CCSER1: variants seen among roughly 807,000 people sequenced by gnomAD.
CCSER1 encodes serine-rich coiled-coil domain-containing protein 1.
CCSER1 carries 41 observed loss-of-function variants against 82.0 expected under a neutral mutation model. The ratio of observed to expected loss-of-function variants is 0.50; its 90% CI spans 0.39 to 0.65. CCSER1 has a LOEUF of 0.65. Ranked by LOEUF, CCSER1 falls within the 30% of genes least tolerant of loss-of-function variation. The pLI is 0.00. For synonymous variants in CCSER1, 414 were observed against 383.9 expected, an observed-to-expected ratio of 1.08 and a Z score of -0.92; for missense variants, 1,119 against 1,064.2, an observed-to-expected ratio of 1.05 and a Z score of -0.72.
chr4:90,983,860 A>G (rs566488748), intron 9 of CCSER1, among the ~76,000 whole-genome samples: 1 of 151,604 alleles, frequency 6.6e-6, no homozygotes, highest in Non-Finnish European at 1.5e-5. Context: ...ATTTGCCTGT[A>G]TGCCATGCAG....
chr4:91,369,259 C>G (rs780135937), intron 10 of CCSER1, among the ~76,000 whole-genome samples: 2 of 152,176 alleles, frequency 1.3e-5, no homozygotes, highest in African/African-American at 2.4e-5. Context: ...GGGGATTGCT[C>G]CTTCAGCCTC....
At chr4:90,305,552 G>A (rs1177698315) in intron 1 of CCSER1, among the ~76,000 whole-genome samples, 2 of 152,040 alleles carry the variant, frequency 1.3e-5, no homozygotes, top group Admixed American at 1.3e-4. Context: ...TAAGCTGTGA[G>A]GAAAATCACA....
chr4:90,816,243 T>G (rs1421451529), intron 8 of CCSER1, among the ~76,000 whole-genome samples: 1 of 152,190 alleles, frequency 6.6e-6, no homozygotes, highest in Admixed American at 6.5e-5. Flanking sequence ...AAACCAGATT[T>G]TACATTTTAC....
At chr4:91,355,103 C>G (rs1407987146) in intron 10 of CCSER1, among the ~76,000 whole-genome samples, 1 of 152,122 alleles carries the variant, frequency 6.6e-6, no homozygotes, top group Non-Finnish European at 1.5e-5. Context: ...CTTTGCAGAG[C>G]CAAACAAGAT....
In CCSER1 at chr4:91,118,122, G is replaced by A. The variant is rs148531100; in HGVS notation, c.2217+32128G>A. On this transcript the variant is annotated intron_variant, in intron 10 of 10. Transcript: ENST00000509176. ...CCTGATTCAATATTTTCTTCTAATC[G>A]TTGATACTATGTTAAGGAAAGATGC... Among the ~76,000 whole-genome samples, 211 of 151,650 alleles carry A rather than the reference G, an allele frequency of 1.4e-3. 2 individuals carry two copies. The highest frequency in any genetic ancestry group is 4.5e-3 in the African/African-American group (184 of 41,292).
At chr4:90,540,841 A>C (rs1368008378) in intron 5 of CCSER1, among the ~76,000 whole-genome samples, 1 of 152,124 alleles carries the variant, frequency 6.6e-6, no homozygotes, top group Non-Finnish European at 1.5e-5. Flanking sequence ...AAAAATGGGA[A>C]TCACATGACA....
intron 10 of CCSER1, among the ~76,000 whole-genome samples, chr4:91,288,129 TGTA>T (rs1229822156): frequency 6.8e-6 from 1 of 146,802 alleles, no homozygotes; most frequent in Non-Finnish European, 1.5e-5. Context: ...TACACACTCA[TGTA>T]TATATATATA....
chr4:90,327,923 C>T (rs115061842), intron 3 of CCSER1, among the ~76,000 whole-genome samples: 230 of 152,206 alleles, frequency 1.5e-3, no homozygotes, highest in Non-Finnish European at 2.0e-3. Context: ...GAGGACTCTG[C>T]GCACTTACTC....
intron 10 of CCSER1, among the ~76,000 whole-genome samples, chr4:91,134,828 G>A (rs59334352): frequency 3.3e-5 from 5 of 152,224 alleles, no homozygotes; most frequent in Non-Finnish European, 5.9e-5. Context: ...TTGGGAGGCC[G>A]GGGCAGACAG....
At chr4:90,587,534 C>T (rs764173121) in intron 5 of CCSER1, among the ~76,000 whole-genome samples, 4 of 152,166 alleles carry the variant, frequency 2.6e-5, no homozygotes, top group African/African-American at 4.8e-5. Flanking sequence ...CGCTTGAACC[C>T]GGGAGGTGGA....
intron 1 of CCSER1, among the ~76,000 whole-genome samples, chr4:90,148,088 C>T (rs1283320766): frequency 6.6e-6 from 1 of 152,134 alleles, no homozygotes; most frequent in East Asian, 1.9e-4. Context: ...TTGCTTGATC[C>T]TGGGAGGTGG....
At chr4:91,396,342 G>C (rs17018453) in intron 10 of CCSER1, among the ~76,000 whole-genome samples, 5,119 of 152,190 alleles carry the variant, frequency 0.034, 264 homozygotes, top group African/African-American at 0.11. Context: ...TGATAGGAAA[G>C]TTTTAAGTCT....
chr4:90,190,085 T>A (rs886739317), intron 1 of CCSER1, among the ~76,000 whole-genome samples: 1 of 152,010 alleles, frequency 6.6e-6, no homozygotes, highest in Non-Finnish European at 1.5e-5. Flanking sequence ...CATTTATGCA[T>A]TGTGATTTGG....
chr4:90,730,412 C>G (rs1246759181), intron 7 of CCSER1, among the ~76,000 whole-genome samples: 1 of 152,140 alleles, frequency 6.6e-6, no homozygotes, highest in Admixed American at 6.6e-5. Context: ...ACTAAGCCAT[C>G]TATGCATTCA....
chr4:91,237,653 A>G (rs1739118847), intron 10 of CCSER1, among the ~76,000 whole-genome samples: 1 of 152,148 alleles, frequency 6.6e-6, no homozygotes, highest in Non-Finnish European at 1.5e-5. Flanking sequence ...GAACAAATTT[A>G]TTTGTCAGTA....
chr4:90,484,206 G>A (rs186383757), intron 5 of CCSER1, among the ~76,000 whole-genome samples: 88 of 151,530 alleles, frequency 5.8e-4, no homozygotes, highest in African/African-American at 1.6e-3. Context: ...GTTCTCGTGC[G>A]TGGTTTTTGG....
chr4:90,315,872 G>A (rs1736081795), intron 3 of CCSER1, among the ~76,000 whole-genome samples: 1 of 152,170 alleles, frequency 6.6e-6, no homozygotes, highest in Admixed American at 6.5e-5. Flanking sequence ...GCACTGTAAG[G>A]AAGAAATGGT....
intron 1 of CCSER1, among the ~76,000 whole-genome samples, chr4:90,254,116 G>A (rs1394777425): frequency 6.6e-6 from 1 of 152,148 alleles, no homozygotes; most frequent in Non-Finnish European, 1.5e-5. Context: ...TTGCTTTCAT[G>A]AAGCTATCTG....
intron 10 of CCSER1, among the ~76,000 whole-genome samples, chr4:91,162,546 A>T (rs1183269355): frequency 2.0e-5 from 3 of 152,158 alleles, no homozygotes; most frequent in Non-Finnish European, 4.4e-5. Context: ...TTTGGCTGTG[A>T]ATCCGTCTGG....
Sources: gnomAD v4.1 joint callset for allele counts (sites outside exome capture counted in the v4.1 genomes callset) on GRCh38, gnomAD v4.1.1 for gene constraint, MANE v1.5 for transcripts, NCBI Gene and HGNC (gene_info 2026-07-23, HGNC 2026-07-21) for gene names.